R3HDM4: variants seen among roughly 807,000 people sequenced by gnomAD.
R3HDM4 encodes R3H domain-containing protein 4.
R3HDM4 carries 30 observed loss-of-function variants against 31.3 expected under a neutral mutation model. The observed-to-expected ratio is 0.96, with a 90% CI of 0.72 to 1.30. The LOEUF (loss-of-function observed/expected upper bound fraction) is 1.30, where lower values mean the gene tolerates loss of function less well. Ranked by LOEUF, R3HDM4 falls within the 50% of genes most tolerant of loss-of-function variation. R3HDM4 has a pLI of 0.00. For missense variants in R3HDM4, 444 were observed against 366.1 expected (o/e 1.21, Z -1.74); for synonymous variants, 196 against 156.6 (o/e 1.25, Z -1.88).
At chr19:902,292 C>G in intron 1 of R3HDM4, 162 bp from the exon 2 acceptor site, 1 of 701,412 alleles carries the variant, frequency 1.4e-6, no homozygotes, top group East Asian at 2.7e-5. Flanking sequence ...TTGTTTCATC[C>G]TCACATCACA....
Position 903,846 on chromosome 19 carries a change from T to C in R3HDM4, c.72-1716A>G, listed in dbSNP as rs547795438. Among the ~76,000 whole-genome samples, 471 of 152,080 alleles carry C rather than the reference T, an allele frequency of 3.1e-3. 2 individuals carry two copies. The highest frequency in any genetic ancestry group is 9.8e-3 in the African/African-American group (408 of 41,466). ...CGGGCGGATCATGAGGTCAGGAGAT[T>C]GAGACCATCCCGGCTAACACGGTGA... On this transcript the variant is annotated intron_variant, in intron 1 of 7. Transcript: ENST00000361574.
At chr19:910,320 T>C in intron 1 of R3HDM4, among the ~76,000 whole-genome samples, 1 of 135,488 alleles carries the variant, frequency 7.4e-6, no homozygotes, top group East Asian at 2.2e-4. Context: ...AGCGAAACCA[T>C]CTCAAAAAAA....
chr19:898,390 G>A (rs1321755150), intron 7 of R3HDM4, among the ~76,000 whole-genome samples: 21 of 111,156 alleles, frequency 1.9e-4, no homozygotes, highest in Admixed American at 2.8e-4. Flanking sequence ...GGGTGACAGA[G>A]CGAGACTTGG....
Position 897,288 on chromosome 19 carries a change from C to G in R3HDM4, c.*149G>C, listed in dbSNP as rs186154700. The G allele has an allele frequency of 2.4e-4, 141 of 599,664 alleles. No homozygotes were observed. Among genetic ancestry groups the G allele is most frequent in the African/African-American group, 2.3e-3 (123 of 53,036 alleles). 37.1% of individuals were successfully genotyped at this position (599,664 alleles called of 1,614,324 possible). Reference sequence around the variant, plus strand: ...AGCGTCTGTTGACTGCCAAGAGCTGCGTGAGGAGGGGGCAGAGTGAGAGAG... The same window carrying G: ...AGCGTCTGTTGACTGCCAAGAGCTGGGTGAGGAGGGGGCAGAGTGAGAGAG... On this transcript the variant is annotated 3_prime_UTR_variant, in exon 8 of 8. Transcript: ENST00000361574.
chr19:908,647 C>T (rs1235073436), intron 1 of R3HDM4, among the ~76,000 whole-genome samples: 2 of 152,032 alleles, frequency 1.3e-5, no homozygotes, highest in Admixed American at 6.6e-5. Context: ...AAAAATCCCA[C>T]GTCCAGCCAC....
chr19:911,225 C>T (rs1170317073), intron 1 of R3HDM4, among the ~76,000 whole-genome samples: 1 of 152,220 alleles, frequency 6.6e-6, no homozygotes, highest in Non-Finnish European at 1.5e-5. Context: ...GCAAGCAGAT[C>T]GTGAGGTCAG....
Position 899,315 on chromosome 19 carries a change from C to T in R3HDM4, c.703+125G>A. ...TGCCACCCCTGAGTTCGTAGCGTCC[C>T]CACTCCAGCCCCCTTCCCCACCTCC... On this transcript the variant is annotated intron_variant, in intron 7 of 7. Coordinates refer to ENST00000361574, the MANE Select transcript of R3HDM4 (RefSeq NM_138774.4). The surrounding 1 kb of genome is among the most constrained non-coding windows in gnomAD (Gnocchi z 6.8). The T allele has an allele frequency of 1.0e-6, 1 of 971,804 alleles. No homozygotes were observed. The highest frequency in any genetic ancestry group is 1.6e-6 in the Non-Finnish European group (1 of 627,846). The allele number at this position is 971,804 out of a possible 1,614,324, so 60.2% of individuals were successfully genotyped here.
In R3HDM4 at chr19:912,275, G is replaced by A. The variant is rs867767778; in HGVS notation, c.71+812C>T. Among the ~76,000 whole-genome samples the A allele has an allele frequency of 1.7e-3, 51 of 29,632 alleles. 4 individuals are homozygous for A. Among genetic ancestry groups the A allele is most frequent in the African/African-American group, 8.1e-3 (48 of 5,948 alleles). The allele number at this position is 29,632 out of a possible 152,430, so 19.4% of individuals were successfully genotyped here. On this transcript the variant is annotated intron_variant, in intron 1 of 7. Transcript: ENST00000361574. ...GGGGGGGTGGACCAGGGAGTTGGGG[G>A]GCGGACTGGGGAGTGGGGGGACAGA...
chr19:911,313 G>A (rs1417581020), intron 1 of R3HDM4, among the ~76,000 whole-genome samples: 4 of 151,892 alleles, frequency 2.6e-5, no homozygotes, highest in Non-Finnish European at 4.4e-5. Flanking sequence ...ACGTGGTGGC[G>A]GGCGCCTGTA....
At position 900,861 on chromosome 19, in the gene R3HDM4, C is replaced by A; in HGVS notation, c.443G>T (p.Arg148Met). ...CCGGTCCTCCCCACGGCCAGGGCCC[C>A]TCCTCCGCGCCTTGCTCCTGCCCTC... ...EDEGRSKARR[R>M]GPGRGEDRRR... Residue 148 changes from arginine (R) to methionine (M), a missense_variant, in exon 4 of 8, where the codon AGG becomes ATG. Arg to Met is a moderately conservative substitution (Grantham distance 91). Coordinates refer to ENST00000361574, the MANE Select transcript of R3HDM4 (RefSeq NM_138774.4). 6.4e-7 allele frequency: 1 copy of A among 1,554,144 alleles called. No individual in the cohort carries two copies. Among genetic ancestry groups the A allele is most frequent in the East Asian group, 2.4e-5 (1 of 41,660 alleles).
intron 7 of R3HDM4, among the ~76,000 whole-genome samples, chr19:898,032 C>A (rs531937268): frequency 4.6e-5 from 7 of 152,168 alleles, no homozygotes; most frequent in African/African-American, 1.4e-4. Flanking sequence ...CTCTGGGAGG[C>A]CAAGGCAGGA....
rs1393281624 is a variant in R3HDM4 at position 900,859 on chromosome 19, C to T, written c.445G>A (p.Gly149Ser). ...DEGRSKARRR[G>S]PGRGEDRRRE... The stretch of plus-strand genomic sequence containing the variant: ...CTCCGGTCCTCCCCACGGCCAGGGC[C>T]CCTCCTCCGCGCCTTGCTCCTGCCC... Residue 149 changes from glycine to serine, a missense_variant, in exon 4 of 8, where the codon GGC (glycine) becomes AGC (serine). Gly to Ser is a moderately conservative substitution (Grantham distance 56). Coordinates refer to ENST00000361574, the MANE Select transcript of R3HDM4 (RefSeq NM_138774.4). 3.2e-6 allele frequency: 5 copies of T among 1,553,040 alleles called. No individual in the cohort carries two copies. Among genetic ancestry groups the T allele is most frequent in the Middle Eastern group, 2.1e-4 (1 of 4,788 alleles).
intron 1 of R3HDM4, among the ~76,000 whole-genome samples, chr19:908,344 C>T (rs1172252446): frequency 6.6e-6 from 1 of 151,702 alleles, no homozygotes; most frequent in Non-Finnish European, 1.5e-5. Context: ...CAGTGGTTCA[C>T]ACTTCTAATC....
chr19:899,732 T>G lies in R3HDM4; in HGVS notation c.562-46A>C. The G allele has an allele frequency of 6.8e-7, 1 of 1,462,536 alleles. No individual in the cohort carries two copies. The allele number at this position is 1,462,536 out of a possible 1,614,324, so 90.6% of individuals were successfully genotyped here. A position where few individuals can be genotyped will look rare whatever the true frequency, so the allele number is the denominator to read the frequency against. On this transcript the variant is annotated intron_variant, in intron 5 of 7. Coordinates refer to ENST00000361574, the MANE Select transcript of R3HDM4 (RefSeq NM_138774.4). The surrounding 1 kb of genome is among the most constrained non-coding windows in gnomAD (Gnocchi z 6.8). ...GTCAGGGAACTGCGGGACCTGTGGG[T>G]GGGGGGCCAGGGAGGTCCAGGGCCC...
At chr19:902,437 A>AT in intron 1 of R3HDM4, 4 of 232,668 alleles carry the variant, frequency 1.7e-5, no homozygotes, top group Non-Finnish European at 2.5e-5. Context: ...TAGCAAGACT[A>AT]TGAAAAAAAA....
rs2036836110 is a variant in R3HDM4, at chr19:901,466, G to C, written c.307C>G (p.Pro103Ala). The change falls in exon 3 of 8, where the codon CCA (proline) becomes GCA (alanine). Residue 103 changes from proline (P) to alanine (A), a missense_variant. Coordinates refer to ENST00000361574, the MANE Select transcript of R3HDM4 (RefSeq NM_138774.4). ...EDGDLAPPAS[P>A]GIFAEACNNA... ...TTGCAGGCCTCGGCAAAGATGCCTG[G>C]TGATGCAGGGGGTGCCAAGTCCCCA... The C allele has an allele frequency of 1.2e-6, 2 of 1,609,358 alleles. No homozygotes were observed. The highest frequency in any genetic ancestry group is 2.2e-5 in the South Asian group (2 of 90,702).
intron 1 of R3HDM4, among the ~76,000 whole-genome samples, chr19:910,973 T>C (rs1374441707): frequency 6.7e-6 from 1 of 149,634 alleles, no homozygotes; most frequent in Non-Finnish European, 1.5e-5. Flanking sequence ...ACAAAAAAAT[T>C]AGCCGGGCGC....
intron 1 of R3HDM4, among the ~76,000 whole-genome samples, chr19:904,658 C>T (rs2036880653): frequency 1.3e-5 from 2 of 151,858 alleles, no homozygotes; most frequent in Admixed American, 6.6e-5. Context: ...ACATCACGGT[C>T]CCCGCTGCTC....
chr19:913,057 G>GCCCCCCCCCC lies in R3HDM4; in HGVS notation c.71+29_71+30insGGGGGGGGGG. On this transcript the variant is annotated intron_variant, in intron 1 of 7. Transcript: ENST00000361574. The surrounding 1 kb of genome is among the most constrained non-coding windows in gnomAD (Gnocchi z 5.0). The stretch of plus-strand genomic sequence containing the variant: ...GGAGGGAGCCCAGCCCGCCCCCGGC[G>GCCCCCCCCCC]CCCGCCGCGCCCCGCCCGCCCGCGC... 1 of 875,498 alleles carries GCCCCCCCCCC rather than the reference G, an allele frequency of 1.1e-6. No homozygotes were observed. The highest frequency in any genetic ancestry group is 5.7e-5 in the Admixed American group (1 of 17,394). The allele number at this position is 875,498 out of a possible 1,614,324, so 54.2% of individuals were successfully genotyped here. A position where few individuals can be genotyped will look rare whatever the true frequency, so the allele number is the denominator to read the frequency against.
Sources: allele counts gnomAD v4.1 joint callset (sites outside exome capture counted in the v4.1 genomes callset), GRCh38; gene constraint gnomAD v4.1.1; non-coding constraint Gnocchi (gnomAD v3.1); transcripts MANE v1.5; gene names NCBI Gene and HGNC (gene_info 2026-07-23, HGNC 2026-07-21).